PPAT: variants seen among roughly 807,000 people sequenced by gnomAD.
The protein encoded by PPAT is amidophosphoribosyltransferase.
Under a neutral mutation model 60.2 loss-of-function variants are expected in PPAT, and 20 were observed. The observed-to-expected ratio is 0.33, with a 90% CI of 0.23 to 0.48. The LOEUF is 0.48. Ranked by LOEUF, PPAT falls within the 20% of genes least tolerant of loss-of-function variation. The pLI is 0.99. For missense variants in PPAT, 349 were observed against 629.6 expected (o/e 0.55, Z 4.77); for synonymous variants, 194 against 215.1 (o/e 0.90, Z 0.86).
rs138098736 is a variant in PPAT at position 56,395,050 on chromosome 4, T to C, written c.*302A>G. The C allele has an allele frequency of 7.8e-4, 229 of 293,200 alleles. 2 individuals carry two copies. The East Asian group carries it at 0.022, about 28-fold the overall frequency. The allele number at this position is 293,200 out of a possible 1,614,324, so 18.2% of individuals were successfully genotyped here. A position where few individuals can be genotyped will look rare whatever the true frequency, so the allele number is the denominator to read the frequency against. ...CTTAACCCTAACTTCTTGCAAACCC[T>C]TTAAAGCATGGACTTGGGAAATGTC... On this transcript the variant is annotated 3_prime_UTR_variant, in exon 11 of 11. Transcript: ENST00000264220.
At chr4:56,427,400 G>A (rs890195364) in intron 1 of PPAT, among the ~76,000 whole-genome samples, 3 of 152,162 alleles carry the variant, frequency 2.0e-5, no homozygotes, top group African/African-American at 7.2e-5. Flanking sequence ...TATGGCATAT[G>A]CTGAAAGTTT....
At chr4:56,409,745 T>C (rs901165155) in intron 1 of PPAT, among the ~76,000 whole-genome samples, 3 of 152,242 alleles carry the variant, frequency 2.0e-5, no homozygotes, top group African/African-American at 7.2e-5. Flanking sequence ...AAAGAATATA[T>C]ATCAGGATAG....
chr4:56,406,467 C>T, intron 3 of PPAT, 28 bp downstream of exon 3: 3 of 1,588,936 alleles, frequency 1.9e-6, no homozygotes, highest in Non-Finnish European at 1.7e-6. Flanking sequence ...TTTAAAAAGG[C>T]CTAGGGAAAA....
At chr4:56,419,735 T>C (rs1716946265) in intron 1 of PPAT, 2 of 984,080 alleles carry the variant, frequency 2.0e-6, no homozygotes, top group African/African-American at 3.5e-5. Flanking sequence ...TCTGGTCTGA[T>C]AAAAGCATAC....
At chr4:56,417,835 G>GTTTTTTTTTTTTT (rs1207160039) in intron 1 of PPAT, among the ~76,000 whole-genome samples, 6 of 102,508 alleles carry the variant, frequency 5.9e-5, no homozygotes, top group African/African-American at 2.1e-4. Context: ...TGAAGATTTG[G>GTTTTTTTTTTTTT]TTTTTTGTTT....
chr4:56,432,864 A>T (rs1430573920), intron 1 of PPAT, among the ~76,000 whole-genome samples: 13 of 151,358 alleles, frequency 8.6e-5, no homozygotes, highest in African/African-American at 1.2e-4. Context: ...ACACAATCAA[A>T]CCTTTTTGCA....
intron 3 of PPAT, among the ~76,000 whole-genome samples, chr4:56,403,772 G>C (rs1278044150): frequency 6.6e-6 from 1 of 152,170 alleles, no homozygotes; most frequent in Admixed American, 6.5e-5. Flanking sequence ...ATCTGGGGGT[G>C]ATGGGAGACA....
At chr4:56,407,380 G>T (rs570278475) in intron 2 of PPAT, among the ~76,000 whole-genome samples, 1 of 151,134 alleles carries the variant, frequency 6.6e-6, no homozygotes, top group Non-Finnish European at 1.5e-5. Context: ...GTACAATGGC[G>T]CAATATCAGC....
chr4:56,403,465 T>C, intron 3 of PPAT, 64 bp from the exon 4 acceptor site: 2 of 1,185,042 alleles, frequency 1.7e-6, no homozygotes, highest in East Asian at 2.5e-5. Flanking sequence ...CCAAACCCAG[T>C]AGCCAACCAT....
intron 1 of PPAT, among the ~76,000 whole-genome samples, chr4:56,427,539 G>A (rs1168959693): frequency 6.6e-6 from 1 of 151,954 alleles, no homozygotes; most frequent in Non-Finnish European, 1.5e-5. Context: ...AGGCATGGTG[G>A]TAGGCACCTG....
At position 56,396,798 on chromosome 4, in the gene PPAT, G is replaced by A. The variant is rs1715977280; in HGVS notation, c.1237-59C>T. On this transcript the variant is annotated intron_variant, in intron 9 of 10. Coordinates refer to ENST00000264220, the MANE Select transcript of PPAT (RefSeq NM_002703.5). This position sits in a 1 kb window ranked among gnomAD's most constrained non-coding sequence, Gnocchi z 4.6. The stretch of plus-strand genomic sequence containing the variant: ...AGACTATGCAAAATTCTTTCATTGT[G>A]CAAATACAATACAAAATTGTTTTGC... The A allele has an allele frequency of 4.0e-6, 6 of 1,509,032 alleles. No homozygotes were observed. Among genetic ancestry groups the A allele is most frequent in the South Asian group, 1.3e-5 (1 of 77,650 alleles). 93.5% of individuals were successfully genotyped at this position (1,509,032 alleles called of 1,614,324 possible).
intron 1 of PPAT, chr4:56,431,634 A>G (rs1188114647): frequency 2.6e-6 from 1 of 392,028 alleles, no homozygotes; most frequent in East Asian, 1.6e-4. Flanking sequence ...AATTCATTGA[A>G]TGGAAGGGCA....
At chr4:56,401,618 A>T in intron 6 of PPAT, 137 bp from the exon 7 acceptor site, 1 of 806,142 alleles carries the variant, frequency 1.2e-6, no homozygotes, top group Non-Finnish European at 1.9e-6. Context: ...TCTAGAAGTG[A>T]CTTTTTAAAG....
At chr4:56,395,881 T>C (rs1489428801) in intron 10 of PPAT, among the ~76,000 whole-genome samples, 1 of 152,150 alleles carries the variant, frequency 6.6e-6, no homozygotes, top group Non-Finnish European at 1.5e-5. Context: ...TAAGCTCAAG[T>C]TCACTCAGTT....
chr4:56,402,333 A>G, intron 5 of PPAT, 152 bp from the exon 6 acceptor site: 1 of 478,070 alleles, frequency 2.1e-6, no homozygotes, highest in Non-Finnish European at 3.6e-6. Flanking sequence ...ATTTGACTTG[A>G]GCCAAAGATA....
intron 5 of PPAT, 120 bp from the exon 6 acceptor site, chr4:56,402,301 C>CTT: frequency 1.7e-6 from 1 of 602,396 alleles, no homozygotes; most frequent in Non-Finnish European, 2.7e-6. Flanking sequence ...ATTTCTATGA[C>CTT]TTTAAGAGCA....
rs1716109367 is a variant in PPAT, at chr4:56,401,414, T to C, written c.802A>G (p.Ile268Val). 1 of 1,606,788 alleles carries C rather than the reference T, an allele frequency of 6.2e-7. No homozygotes were observed. The highest frequency in any genetic ancestry group is 8.5e-7 in the Non-Finnish European group (1 of 1,174,980). ...ISRHNVQTLD[I>V]ISRSEGNPVA... ...GGGTTTCCTTCAGACCTTGATATAATATCAAGAGTTTGGACATTGTGTCTG... is the reference window on the plus strand; with the variant it reads ...GGGTTTCCTTCAGACCTTGATATAACATCAAGAGTTTGGACATTGTGTCTG... The change falls in exon 7 of 11, where the codon ATT (isoleucine) becomes GTT (valine). Residue 268 changes from isoleucine (I) to valine (V), a missense_variant. By Grantham distance (29) the Ile-to-Val change is conservative. Transcript: ENST00000264220.
chr4:56,418,661 C>G (rs1376574366), intron 1 of PPAT, among the ~76,000 whole-genome samples: 1 of 152,042 alleles, frequency 6.6e-6, no homozygotes, highest in African/African-American at 2.4e-5. Context: ...ATTTGAAACC[C>G]TGTCTCAAAA....
chr4:56,422,473 T>A, intron 1 of PPAT: 1 of 120,040 alleles, frequency 8.3e-6, no homozygotes, highest in East Asian at 2.4e-4. Context: ...CTGGTTTTTT[T>A]TTTTTGTACG....
Sources: gnomAD v4.1 joint callset for allele counts (sites outside exome capture counted in the v4.1 genomes callset) on GRCh38, gnomAD v4.1.1 for gene constraint, Gnocchi (gnomAD v3.1) non-coding constraint, MANE v1.5 for transcripts, NCBI Gene and HGNC (gene_info 2026-07-23, HGNC 2026-07-21) for gene names.